EGFL6: variants seen among roughly 807,000 people sequenced by gnomAD.
EGFL6 encodes EGF like domain multiple 6, also known as epidermal growth factor-like protein 6.
Under a neutral mutation model 43.1 loss-of-function variants are expected in EGFL6, and 42 were observed. The ratio of observed to expected loss-of-function variants is 0.98; its 90% CI spans 0.76 to 1.26. EGFL6 has a LOEUF of 1.26. EGFL6 is among the 50% of genes most tolerant of loss of function. The pLI is 0.00. For synonymous variants in EGFL6, 164 were observed against 163.2 expected (o/e 1.01, Z -0.04); for missense variants, 429 against 427.8 (o/e 1.00, Z -0.02).
chrX:13,576,321 A>C (rs1478635969), intron 1 of EGFL6, among the ~76,000 whole-genome samples: 1 of 110,852 alleles, frequency 9.0e-6, no homozygotes, highest in African/African-American at 3.3e-5. Context: ...ATGAGAACAC[A>C]CTCACTACCA....
chrX:13,581,113 C>T (rs1171642453), intron 1 of EGFL6, among the ~76,000 whole-genome samples: 2 of 112,132 alleles, frequency 1.8e-5, no homozygotes, highest in African/African-American at 6.5e-5. Context: ...CCAATCTCCA[C>T]ATAACTCCTG....
At chrX:13,580,083 G>A (rs1470217460) in intron 1 of EGFL6, among the ~76,000 whole-genome samples, 1 of 111,496 alleles carries the variant, frequency 9.0e-6, no homozygotes, top group Admixed American at 9.5e-5. Context: ...TTCACCTTTT[G>A]AAAGGATGAG....
chrX:13,603,529 A>C, intron 5 of EGFL6, 93 bp downstream of exon 5: 1 of 1,009,578 alleles, frequency 9.9e-7, no homozygotes, highest in Non-Finnish European at 1.3e-6. Flanking sequence ...CAGCTTGTTG[A>C]CTAGACATTG....
intron 7 of EGFL6, 75 bp from the exon 8 acceptor site, chrX:13,617,654 AC>A: frequency 2.2e-6 from 2 of 928,149 alleles, no homozygotes; most frequent in Non-Finnish European, 3.0e-6. Flanking sequence ...ACACTTTAAC[AC>A]TTTTTAAATG....
chrX:13,620,475 T>G lies in EGFL6; in HGVS notation c.1183+1232T>G, dbSNP rs183775243. ...TTTTGTGTTTACCCTGTGAGTGCATTGCCCAGTTCTATCACTTTGGTTTAC... is the reference window on the plus strand; with the variant it reads ...TTTTGTGTTTACCCTGTGAGTGCATGGCCCAGTTCTATCACTTTGGTTTAC... On this transcript the variant is annotated intron_variant, in intron 9 of 11. Transcript: ENST00000361306. Among the ~76,000 whole-genome samples the G allele has an allele frequency of 5.8e-3, 638 of 110,457 alleles. 8 individuals carry two copies. The highest frequency in any genetic ancestry group is 9.3e-3 in the Middle Eastern group (2 of 215).
intron 3 of EGFL6, among the ~76,000 whole-genome samples, chrX:13,595,977 C>T (rs1486324264): frequency 9.0e-6 from 1 of 111,098 alleles, no homozygotes; most frequent in East Asian, 2.8e-4. Context: ...GCCTTGCCCT[C>T]CCAAAGTGCT....
chrX:13,576,384 C>T (rs1178393688), intron 1 of EGFL6, among the ~76,000 whole-genome samples: 1 of 111,986 alleles, frequency 8.9e-6, no homozygotes, highest in Non-Finnish European at 1.9e-5. Context: ...AATCCACCCT[C>T]ACGATCCAGT....
chrX:13,582,037 A>G (rs1373930344), intron 1 of EGFL6, among the ~76,000 whole-genome samples: 5 of 108,631 alleles, frequency 4.6e-5, no homozygotes, highest in Non-Finnish European at 7.7e-5. Context: ...AGTACAGTCC[A>G]AAATTAGATA....
chrX:13,578,819 A>G (rs1430783317), intron 1 of EGFL6, among the ~76,000 whole-genome samples: 3 of 109,646 alleles, frequency 2.7e-5, no homozygotes, highest in African/African-American at 1.0e-4. Flanking sequence ...TGGTAGATAT[A>G]CCTAATGTAA....
intron 7 of EGFL6, 121 bp downstream of exon 7, chrX:13,608,567 C>T: frequency 1.1e-6 from 1 of 910,539 alleles, no homozygotes; most frequent in East Asian, 3.2e-5. Context: ...CTCCCTTACT[C>T]TCACTCTGTG....
intron 7 of EGFL6, 63 bp from the exon 8 acceptor site, chrX:13,617,667 T>G: frequency 9.9e-7 from 1 of 1,005,872 alleles, no homozygotes. Context: ...TTTTAAATGC[T>G]CCATTTTGTG....
At chrX:13,603,461 C>T (rs369899317) in intron 5 of EGFL6, 25 bp downstream of exon 5, 100 of 1,161,304 alleles carry the variant, frequency 8.6e-5, no homozygotes, top group Non-Finnish European at 1.1e-4. Context: ...ATCACCTCTA[C>T]TCCTCCTTCT....
In EGFL6 at chrX:13,569,697, G is replaced by T. The variant is rs1031522512; in HGVS notation, c.-165G>T. The T allele has an allele frequency of 1.2e-5, 6 of 497,407 alleles. No individual in the cohort carries two copies. The highest frequency in any genetic ancestry group is 1.9e-5 in the Non-Finnish European group (6 of 308,206). 41.0% of individuals were successfully genotyped at this position (497,407 alleles called of 1,213,427 possible). A position where few individuals can be genotyped will look rare whatever the true frequency, so the allele number is the denominator to read the frequency against. On this transcript the variant is annotated 5_prime_UTR_variant, in exon 1 of 12. Coordinates refer to ENST00000361306, the MANE Select transcript of EGFL6 (RefSeq NM_015507.4). ...AGGCCGCGAGCGCCCCTGCCGCGGTGCCTGGCCTCCCCTCCCAGACTGCAG... is the reference window on the plus strand; with the variant it reads ...AGGCCGCGAGCGCCCCTGCCGCGGTTCCTGGCCTCCCCTCCCAGACTGCAG...
intron 7 of EGFL6, among the ~76,000 whole-genome samples, chrX:13,613,123 C>T (rs144068482): frequency 0.01 from 1,008 of 100,673 alleles, 17 homozygotes; most frequent in African/African-American, 0.036. Context: ...CCAGCCTGGG[C>T]GACCGAGCGA....
chrX:13,591,435 C>T (rs748722998), intron 2 of EGFL6, among the ~76,000 whole-genome samples: 2 of 111,638 alleles, frequency 1.8e-5, no homozygotes, highest in African/African-American at 3.3e-5. Context: ...GCTGAAGAGA[C>T]GGTCAGCACA....
At chrX:13,615,632 G>C in intron 7 of EGFL6, among the ~76,000 whole-genome samples, 1 of 112,339 alleles carries the variant, frequency 8.9e-6, no homozygotes, top group Non-Finnish European at 1.9e-5. Context: ...ACTTGTATTA[G>C]TGCTTGTTGG....
intron 9 of EGFL6, among the ~76,000 whole-genome samples, chrX:13,622,377 C>T (rs1416115929): frequency 8.9e-6 from 1 of 111,750 alleles, no homozygotes. Flanking sequence ...TGATGCTAGA[C>T]GTTTTTTTAA....
intron 1 of EGFL6, among the ~76,000 whole-genome samples, chrX:13,586,405 T>A (rs1481355703): frequency 8.9e-6 from 1 of 111,754 alleles, no homozygotes; most frequent in African/African-American, 3.3e-5. Flanking sequence ...CAAATTACCA[T>A]AGGTTGGGTG....
rs1458361441 is a variant in EGFL6 at position 13,575,918 on chromosome X, G to A, written c.74+5983G>A. Among the ~76,000 whole-genome samples the A allele has an allele frequency of 2.4e-4, 27 of 112,204 alleles. 1 individual carries two copies. The Admixed American group carries it at 2.5e-3, about 11-fold the overall frequency. ...ACATGTGTTTCTCTTTCACAAAGGT[G>A]TGGGTAGTTGGGCTGATATGGCTGG... On this transcript the variant is annotated intron_variant, in intron 1 of 11. Transcript: ENST00000361306.
Sources: gnomAD v4.1 joint callset for allele counts (sites outside exome capture counted in the v4.1 genomes callset) on GRCh38, gnomAD v4.1.1 for gene constraint, MANE v1.5 for transcripts, NCBI Gene and HGNC (gene_info 2026-07-23, HGNC 2026-07-21) for gene names.